Variants in KCTD8 observed in about 807,000 individuals in gnomAD.
KCTD8 encodes the protein potassium channel tetramerization domain containing 8.
KCTD8 carries 27 observed loss-of-function variants against 31.5 expected under a neutral mutation model. The ratio of observed to expected loss-of-function variants is 0.86; its 90% CI spans 0.63 to 1.18. KCTD8 has a LOEUF of 1.18. Among genes scored for constraint, KCTD8 ranks in the 50% most tolerant of loss-of-function variants. KCTD8 has a pLI of 0.00. For synonymous variants in KCTD8, 290 were observed against 280.0 expected, an observed-to-expected ratio of 1.04 and a Z score of -0.36; for missense variants, 658 against 647.7, an observed-to-expected ratio of 1.02 and a Z score of -0.17.
intron 1 of KCTD8, among the ~76,000 whole-genome samples, chr4:44,355,084 G>A (rs1215495215): frequency 6.6e-6 from 1 of 152,056 alleles, no homozygotes; most frequent in African/African-American, 2.4e-5. Context: ...AAAACCTTAT[G>A]AATATTTGAA....
At chr4:44,201,319 T>C (rs1485864052) in intron 1 of KCTD8, among the ~76,000 whole-genome samples, 3 of 151,984 alleles carry the variant, frequency 2.0e-5, no homozygotes, top group African/African-American at 7.2e-5. Flanking sequence ...CTAAAATTCA[T>C]ATGGAACCAA....
At chr4:44,217,390 T>C (rs535787839) in intron 1 of KCTD8, among the ~76,000 whole-genome samples, 25 of 152,248 alleles carry the variant, frequency 1.6e-4, no homozygotes, top group African/African-American at 4.6e-4. Context: ...GAAGATTTTA[T>C]TGGCTAAAAG....
intron 1 of KCTD8, among the ~76,000 whole-genome samples, chr4:44,264,678 C>A (rs1716284320): frequency 6.6e-6 from 1 of 152,176 alleles, no homozygotes; most frequent in African/African-American, 2.4e-5. Context: ...GGGTCACTCC[C>A]CCCCGAATAC....
intron 1 of KCTD8, among the ~76,000 whole-genome samples, chr4:44,322,331 A>G (rs535026392): frequency 6.6e-6 from 1 of 152,104 alleles, no homozygotes; most frequent in South Asian, 2.1e-4. Flanking sequence ...TTTGATTTGC[A>G]TTCCTGTGGT....
At chr4:44,266,395 A>C (rs1216201929) in intron 1 of KCTD8, among the ~76,000 whole-genome samples, 3 of 152,258 alleles carry the variant, frequency 2.0e-5, no homozygotes, top group Non-Finnish European at 4.4e-5. Flanking sequence ...TGAAGGAAGC[A>C]GTAAACATGG....
chr4:44,309,910 A>G (rs1012326581), intron 1 of KCTD8, among the ~76,000 whole-genome samples: 2 of 152,246 alleles, frequency 1.3e-5, no homozygotes, highest in African/African-American at 4.8e-5. Flanking sequence ...AAAATTATTT[A>G]TGCTCACAGT....
At chr4:44,285,183 T>C (rs1260552949) in intron 1 of KCTD8, among the ~76,000 whole-genome samples, 1 of 152,182 alleles carries the variant, frequency 6.6e-6, no homozygotes, top group Non-Finnish European at 1.5e-5. Context: ...ATATGTGTAT[T>C]GCAGCTTTAT....
intron 1 of KCTD8, among the ~76,000 whole-genome samples, chr4:44,446,155 C>T (rs1049632980): frequency 1.3e-5 from 2 of 152,196 alleles, no homozygotes; most frequent in South Asian, 4.1e-4. Context: ...TGTCACCCAA[C>T]TTCCAAGGTT....
At chr4:44,270,085 T>G (rs1056486436) in intron 1 of KCTD8, among the ~76,000 whole-genome samples, 1 of 152,120 alleles carries the variant, frequency 6.6e-6, no homozygotes, top group East Asian at 1.9e-4. Flanking sequence ...TAAAGACACA[T>G]GCACACATAT....
chr4:44,365,541 A>AG (rs1407868778), intron 1 of KCTD8, among the ~76,000 whole-genome samples: 1 of 152,202 alleles, frequency 6.6e-6, no homozygotes, highest in Non-Finnish European at 1.5e-5. Context: ...AGTAAAAAAA[A>AG]CAAGGTAAAT....
chr4:44,218,534 GC>G (rs1040120518), intron 1 of KCTD8, among the ~76,000 whole-genome samples: 3 of 150,274 alleles, frequency 2.0e-5, no homozygotes, highest in African/African-American at 7.3e-5. Context: ...CACATTGCAT[GC>G]CTGTATCAAA....
At chr4:44,269,707 A>G (rs1716518682) in intron 1 of KCTD8, among the ~76,000 whole-genome samples, 1 of 152,158 alleles carries the variant, frequency 6.6e-6, no homozygotes, top group South Asian at 2.1e-4. Context: ...AAAAGCAAAC[A>G]ACCCCATCAA....
chr4:44,245,930 G>A (rs1322835659), intron 1 of KCTD8, among the ~76,000 whole-genome samples: 1 of 151,940 alleles, frequency 6.6e-6, no homozygotes, highest in Non-Finnish European at 1.5e-5. Flanking sequence ...ATAAGTTTCT[G>A]ATACTTTAGT....
chr4:44,231,094 C>T (rs1419409986), intron 1 of KCTD8, among the ~76,000 whole-genome samples: 3 of 152,128 alleles, frequency 2.0e-5, no homozygotes, highest in African/African-American at 4.8e-5. Flanking sequence ...CAGATATGCA[C>T]ATTTAGGTAA....
intron 1 of KCTD8, among the ~76,000 whole-genome samples, chr4:44,335,314 C>T (rs183095399): frequency 6.5e-4 from 99 of 151,868 alleles, no homozygotes; most frequent in Non-Finnish European, 1.0e-3. Context: ...ATATTTTAAT[C>T]TAAAAAATAA....
intron 1 of KCTD8, among the ~76,000 whole-genome samples, chr4:44,189,882 T>C (rs1168276573): frequency 5.9e-5 from 9 of 152,206 alleles, no homozygotes; most frequent in Non-Finnish European, 1.0e-4. Flanking sequence ...ACAGTCTTCT[T>C]AATTACCCAG....
At chr4:44,348,715 T>C (rs1719104049) in intron 1 of KCTD8, among the ~76,000 whole-genome samples, 1 of 152,206 alleles carries the variant, frequency 6.6e-6, no homozygotes, top group South Asian at 2.1e-4. Context: ...TTTTCAGTCC[T>C]TGTTGCTTAC....
chr4:44,266,343 T>C (rs1172789515), intron 1 of KCTD8, among the ~76,000 whole-genome samples: 8 of 151,994 alleles, frequency 5.3e-5, no homozygotes, highest in Admixed American at 5.2e-4. Flanking sequence ...AAGCAAATGC[T>C]GAGAGATTTT....
At chr4:44,322,857 G>A (rs1718332223) in intron 1 of KCTD8, among the ~76,000 whole-genome samples, 1 of 151,982 alleles carries the variant, frequency 6.6e-6, no homozygotes, top group Non-Finnish European at 1.5e-5. Flanking sequence ...TTTTCTCAAT[G>A]TATGTTATTG....
Sources: gnomAD v4.1 joint callset for allele counts (sites outside exome capture counted in the v4.1 genomes callset) on GRCh38, gnomAD v4.1.1 for gene constraint, MANE v1.5 for transcripts, NCBI Gene and HGNC (gene_info 2026-07-23, HGNC 2026-07-21) for gene names.